The following TTC7B variants were observed in gnomAD, a reference collection of about 807,000 sequenced individuals.
The protein encoded by TTC7B is tetratricopeptide repeat domain 7B.
TTC7B carries 28 observed loss-of-function variants against 106.8 expected under a neutral mutation model. The ratio of observed to expected loss-of-function variants is 0.26; its 90% CI spans 0.19 to 0.36. The LOEUF is 0.36. Ranked by LOEUF, TTC7B falls within the 10% of genes least tolerant of loss-of-function variation. The pLI is 1.00. For synonymous variants in TTC7B, 405 were observed against 430.6 expected (o/e 0.94, Z 0.74); for missense variants, 862 against 1,076.4 (o/e 0.80, Z 2.79).
At chr14:90,658,474 A>G (rs758087069) in intron 9 of TTC7B, 87 bp from the exon 10 acceptor site, 10 of 1,254,668 alleles carry the variant, frequency 8.0e-6, no homozygotes, top group Non-Finnish European at 1.2e-5. Context: ...TATGCACACT[A>G]AGGTAAGTCC....
chr14:90,793,738 A>G (rs893007866), intron 1 of TTC7B, among the ~76,000 whole-genome samples: 6 of 150,634 alleles, frequency 4.0e-5, no homozygotes, highest in African/African-American at 1.5e-4. Flanking sequence ...CCTCCCGAGT[A>G]GCTGGGATTA....
intron 19 of TTC7B, among the ~76,000 whole-genome samples, chr14:90,565,528 A>C (rs1890757941): frequency 6.7e-6 from 1 of 150,010 alleles, no homozygotes; most frequent in Non-Finnish European, 1.5e-5. Flanking sequence ...CTGCCTCCCG[A>C]GTAGCTGGGA....
At chr14:90,631,066 C>T (rs1474298234) in intron 15 of TTC7B, among the ~76,000 whole-genome samples, 1 of 152,174 alleles carries the variant, frequency 6.6e-6, no homozygotes, top group Non-Finnish European at 1.5e-5. Flanking sequence ...GATCTCCTGA[C>T]CTTGTGATCT....
chr14:90,547,733 G>T (rs1248876267), intron 19 of TTC7B, among the ~76,000 whole-genome samples: 1 of 152,146 alleles, frequency 6.6e-6, no homozygotes, highest in Non-Finnish European at 1.5e-5. Flanking sequence ...GGAGGCGGAG[G>T]TTGCAGTGAA....
chr14:90,816,413 G>A lies in TTC7B; in HGVS notation c.-118C>T. On this transcript the variant is annotated 5_prime_UTR_variant, in exon 1 of 20. In the 5' UTR this introduces an upstream ATG that the reference lacks. Coordinates refer to ENST00000328459, the MANE Select transcript of TTC7B (RefSeq NM_001010854.2). The stretch of plus-strand genomic sequence containing the variant: ...GGGCTCCGGCTCCCGGCTCCGCGGC[G>A]TAACGGGAGCGCCGGCTGGGGAAGG... The A allele has an allele frequency of 2.0e-6, 1 of 498,008 alleles. No homozygotes were observed. The highest frequency in any genetic ancestry group is 2.6e-6 in the Non-Finnish European group (1 of 388,212). The allele number at this position is 498,008 out of a possible 1,614,324, so 30.8% of individuals were successfully genotyped here. A position where few individuals can be genotyped will look rare whatever the true frequency, so the allele number is the denominator to read the frequency against.
Position 90,802,108 on chromosome 14 carries a change from T to C in TTC7B, c.121+14067A>G, listed in dbSNP as rs1566896006. 6.7e-6 allele frequency among the ~76,000 whole-genome samples: 1 copy of C among 150,214 alleles called. No individual in the cohort carries two copies. The highest frequency in any genetic ancestry group is 1.5e-5 in the Non-Finnish European group (1 of 67,706). ...AGAAAGAAAGAAAGCAGCTGGAACA[T>C]CAAGTGTAAGATCACAGACTAGCCA... On this transcript the variant is annotated intron_variant, in intron 1 of 19. Transcript: ENST00000328459. The surrounding 1 kb of genome is among the most constrained non-coding windows in gnomAD (Gnocchi z 4.7).
intron 17 of TTC7B, among the ~76,000 whole-genome samples, chr14:90,599,873 A>C (rs890953505): frequency 6.6e-6 from 1 of 152,246 alleles, no homozygotes; most frequent in Non-Finnish European, 1.5e-5. Context: ...ATTAAGCAGC[A>C]ATCTGAGTGA....
At chr14:90,558,691 G>A (rs765070925) in intron 19 of TTC7B, among the ~76,000 whole-genome samples, 32 of 152,206 alleles carry the variant, frequency 2.1e-4, no homozygotes, top group Non-Finnish European at 4.0e-4. Flanking sequence ...GGGTCTCCCC[G>A]GCCAGCGCTC....
chr14:90,816,260 C>T lies in TTC7B; in HGVS notation c.36G>A (p.Thr12=), dbSNP rs1293131771. The T allele has an allele frequency of 2.4e-6, 3 of 1,243,042 alleles. No homozygotes were observed. Among genetic ancestry groups the T allele is most frequent in the Non-Finnish European group, 1.0e-6 (1 of 962,130 alleles). The allele number at this position is 1,243,042 out of a possible 1,614,324, so 77.0% of individuals were successfully genotyped here. The change falls in exon 1 of 20, where the codon ACG becomes ACA. Residue 12 remains threonine, a synonymous_variant. Coordinates refer to ENST00000328459, the MANE Select transcript of TTC7B (RefSeq NM_001010854.2). ...ACTCGGAGCGGCAGCGCTCGATCTCCGTCTCCAGCCGCGAGCCTGCCTTCT... is the reference window on the plus strand; with the variant it reads ...ACTCGGAGCGGCAGCGCTCGATCTCTGTCTCCAGCCGCGAGCCTGCCTTCT... The part of the protein sequence containing the change: ...ATKKAGSRLE[T]EIERCRSECQ...
In TTC7B at chr14:90,655,043, G is replaced by C. The variant is rs1341073708; in HGVS notation, c.1409C>G (p.Ala470Gly). The change falls in exon 12 of 20, where the codon GCC becomes GGC. Residue 470 changes from alanine to glycine, a missense_variant. By Grantham distance (60) the Ala-to-Gly change is moderately conservative (BLOSUM62 0). Coordinates refer to ENST00000328459, the MANE Select transcript of TTC7B (RefSeq NM_001010854.2). ...GAGCCCCAGAGCTAAGTAGCCTTTG[G>C]CCTTGAACTCTGACGTTTTCTCTCC... ...DVGEKTSEFKAKGYLALGLTY... is the reference protein window; with the variant it reads ...DVGEKTSEFKGKGYLALGLTY... 5.0e-6 allele frequency: 8 copies of C among 1,614,192 alleles called. No homozygotes were observed. The highest frequency in any genetic ancestry group is 5.9e-6 in the Non-Finnish European group (7 of 1,180,008).
At chr14:90,556,050 C>T (rs1016672543) in intron 19 of TTC7B, among the ~76,000 whole-genome samples, 1 of 152,376 alleles carries the variant, frequency 6.6e-6, no homozygotes. Context: ...AGCGCAAGCA[C>T]CTCCGGCGCG....
Position 90,657,241 on chromosome 14 carries a change from C to T in TTC7B, c.1274G>A (p.Arg425His), listed in dbSNP as rs1446797367. Residue 425 changes from arginine (R) to histidine (H), a missense_variant, in exon 11 of 20, where the codon CGC (arginine) becomes CAC (histidine). Physicochemically the swap from Arg to His is conservative, Grantham distance 29 (BLOSUM62 0). Coordinates refer to ENST00000328459, the MANE Select transcript of TTC7B (RefSeq NM_001010854.2). This position sits in a 1 kb window ranked among gnomAD's most constrained non-coding sequence, Gnocchi z 4.2. ...RAVKVLKECI[R>H]LKPDDATIPL... ...GATGGTGGCATCGTCTGGCTTCAGGCGGATACACTCTTTCAGCACCTTCAC... is the reference window on the plus strand; with the variant it reads ...GATGGTGGCATCGTCTGGCTTCAGGTGGATACACTCTTTCAGCACCTTCAC... The T allele has an allele frequency of 3.7e-6, 6 of 1,614,060 alleles. No individual in the cohort carries two copies. Among genetic ancestry groups the T allele is most frequent in the East Asian group, 2.2e-5 (1 of 44,864 alleles).
chr14:90,580,669 C>T lies in TTC7B; in HGVS notation c.2108-2361G>A, dbSNP rs150773333. 1.2e-3 allele frequency among the ~76,000 whole-genome samples: 176 copies of T among 152,340 alleles called. 1 individual carries two copies. The highest frequency in any genetic ancestry group is 4.0e-3 in the African/African-American group (168 of 41,588). ...CTCCACACTTGTGTCAATTCTATGGCCTGTGCCTGTAAAGCCATCACTGCA... is the reference window on the plus strand; with the variant it reads ...CTCCACACTTGTGTCAATTCTATGGTCTGTGCCTGTAAAGCCATCACTGCA... On this transcript the variant is annotated intron_variant, in intron 18 of 19. Transcript: ENST00000328459.
chr14:90,560,395 G>C (rs1463352976), intron 19 of TTC7B, among the ~76,000 whole-genome samples: 2 of 152,210 alleles, frequency 1.3e-5, no homozygotes, highest in Non-Finnish European at 2.9e-5. Flanking sequence ...ACTGGCACTA[G>C]AGCAGAGACA....
chr14:90,744,844 C>T lies in TTC7B; in HGVS notation c.524G>A (p.Cys175Tyr), dbSNP rs771863089. ...TGCGATGTCCCCTGCTTTCTCATAA[C>T]AGGTGATGACATCCTGTTCCCGGTC... Reference protein sequence around the residue: ...HVDREQDVITCYEKAGDIALL... With the variant: ...HVDREQDVITYYEKAGDIALL... The change falls in exon 4 of 20, where the codon TGT becomes TAT. Residue 175 changes from cysteine to tyrosine, a missense_variant. Physicochemically the swap from Cys to Tyr is radical, Grantham distance 194. Transcript: ENST00000328459. 1.2e-6 allele frequency: 2 copies of T among 1,614,092 alleles called. No homozygotes were observed. Among genetic ancestry groups the T allele is most frequent in the Non-Finnish European group, 1.7e-6 (2 of 1,179,950 alleles).
chr14:90,574,817 C>T (rs978082582), intron 19 of TTC7B, among the ~76,000 whole-genome samples: 4 of 152,198 alleles, frequency 2.6e-5, no homozygotes, highest in African/African-American at 9.6e-5. Context: ...CCCCTGGCTC[C>T]TTGCCTTCCT....
intron 3 of TTC7B, among the ~76,000 whole-genome samples, chr14:90,772,017 AAT>A (rs548404604): frequency 1.4e-3 from 202 of 146,758 alleles, no homozygotes; most frequent in African/African-American, 4.8e-3. Context: ...TAAATAAAGA[AAT>A]ATATATATAT....
chr14:90,613,881 A>G (rs1892967603), intron 16 of TTC7B, among the ~76,000 whole-genome samples: 1 of 152,264 alleles, frequency 6.6e-6, no homozygotes, highest in South Asian at 2.1e-4. Context: ...AGGGACTTCT[A>G]TTCCCTATTA....
rs1167538796 is a variant in TTC7B at position 90,808,860 on chromosome 14, G to A, written c.121+7315C>T. On this transcript the variant is annotated intron_variant, in intron 1 of 19. Coordinates refer to ENST00000328459, the MANE Select transcript of TTC7B (RefSeq NM_001010854.2). The surrounding 1 kb of genome is among the most constrained non-coding windows in gnomAD (Gnocchi z 4.2). The stretch of plus-strand genomic sequence containing the variant: ...GTGGCCAACGTGAATAAGAACCAAA[G>A]GCCATTCCTGCGTGCCCAGGGCACA... Among the ~76,000 whole-genome samples, 1 of 152,216 alleles carries A rather than the reference G, an allele frequency of 6.6e-6. No homozygotes were observed. The highest frequency in any genetic ancestry group is 1.5e-5 in the Non-Finnish European group (1 of 68,040).
Sources: allele counts gnomAD v4.1 joint callset (sites outside exome capture counted in the v4.1 genomes callset), GRCh38; gene constraint gnomAD v4.1.1; non-coding constraint Gnocchi (gnomAD v3.1); transcripts MANE v1.5; gene names NCBI Gene and HGNC (gene_info 2026-07-23, HGNC 2026-07-21).